Variants in EBF1 observed in about 807,000 individuals in gnomAD.
The protein encoded by EBF1 is EBF transcription factor 1, also known as transcription factor COE1.
A neutral mutation model predicts 68.4 loss-of-function variants in EBF1; 10 were observed. That is an observed-to-expected ratio of 0.15 (90% CI 0.09 to 0.25). The LOEUF (loss-of-function observed/expected upper bound fraction) is 0.25. Among genes scored for constraint, EBF1 ranks in the 10% least tolerant of loss-of-function variants. EBF1 has a pLI of 1.00. For synonymous variants in EBF1, 298 were observed against 299.8 expected (o/e 0.99, Z 0.06); for missense variants, 509 against 794.4 (o/e 0.64, Z 4.32).
At chr5:158,866,590 C>T (rs551420682) in intron 6 of EBF1, among the ~76,000 whole-genome samples, 16 of 151,884 alleles carry the variant, frequency 1.1e-4, no homozygotes, top group African/African-American at 3.6e-4. Context: ...ATTCAAAGCC[C>T]GAAACCTAAT....
chr5:158,764,446 T>C (rs1193204091), intron 10 of EBF1, among the ~76,000 whole-genome samples: 1 of 152,212 alleles, frequency 6.6e-6, no homozygotes, highest in Non-Finnish European at 1.5e-5. Flanking sequence ...GTCACATTTG[T>C]CAGTCATTCC....
At chr5:158,939,640 G>A (rs757626428) in intron 6 of EBF1, among the ~76,000 whole-genome samples, 6 of 151,952 alleles carry the variant, frequency 3.9e-5, no homozygotes, top group Non-Finnish European at 7.4e-5. Flanking sequence ...ATGATTTGGT[G>A]GAATGTGGAC....
chr5:158,888,280 G>A (rs1800444303), intron 6 of EBF1, among the ~76,000 whole-genome samples: 2 of 152,006 alleles, frequency 1.3e-5, no homozygotes, highest in African/African-American at 4.8e-5. Flanking sequence ...GCGTGCGTGT[G>A]TGTGTGTTTG....
rs1005854955 is a variant in EBF1, at chr5:158,763,980, T to C, written c.1036+13433A>G. 4.6e-5 allele frequency among the ~76,000 whole-genome samples: 7 copies of C among 152,330 alleles called. No homozygotes were observed. In the South Asian group the frequency reaches 1.2e-3, roughly 27 times the overall value. On this transcript the variant is annotated intron_variant, in intron 10 of 15. Coordinates refer to ENST00000313708, the MANE Select transcript of EBF1 (RefSeq NM_024007.5). ...AATTACAGGCAACTGTTCTCTTGGATGCTCTTTTGATAAGATCCACCATTA... is the reference window on the plus strand; with the variant it reads ...AATTACAGGCAACTGTTCTCTTGGACGCTCTTTTGATAAGATCCACCATTA...
intron 6 of EBF1, among the ~76,000 whole-genome samples, chr5:158,848,569 A>G (rs1047005212): frequency 9.2e-5 from 14 of 152,224 alleles, no homozygotes; most frequent in African/African-American, 2.7e-4. Context: ...AACAAAACCA[A>G]TGTAATCTGG....
intron 8 of EBF1, among the ~76,000 whole-genome samples, chr5:158,817,400 T>C (rs1324180477): frequency 6.6e-6 from 1 of 152,162 alleles, no homozygotes; most frequent in Non-Finnish European, 1.5e-5. Context: ...TCTACCTTCC[T>C]GAACAAACTA....
At chr5:158,784,106 T>C (rs1186747753) in intron 9 of EBF1, among the ~76,000 whole-genome samples, 1 of 152,238 alleles carries the variant, frequency 6.6e-6, no homozygotes, top group African/African-American at 2.4e-5. Context: ...AATGACCTTT[T>C]GTTGTCTTTT....
At chr5:158,950,947 C>A (rs941028418) in intron 6 of EBF1, among the ~76,000 whole-genome samples, 2 of 152,128 alleles carry the variant, frequency 1.3e-5, no homozygotes, top group African/African-American at 4.8e-5. Flanking sequence ...TGTTGGTAGA[C>A]CTTCTGACTT....
chr5:158,815,228 A>G (rs1783478779), intron 8 of EBF1, among the ~76,000 whole-genome samples: 1 of 152,100 alleles, frequency 6.6e-6, no homozygotes, highest in Non-Finnish European at 1.5e-5. Flanking sequence ...ACAACAGGGT[A>G]CTTATAGCAC....
intron 6 of EBF1, among the ~76,000 whole-genome samples, chr5:159,016,156 A>G (rs1765580825): frequency 6.6e-6 from 1 of 152,222 alleles, no homozygotes; most frequent in African/African-American, 2.4e-5. Flanking sequence ...TGAGGTGAGA[A>G]TTAAAAGAGG....
At chr5:158,807,349 A>G (rs924477554) in intron 8 of EBF1, among the ~76,000 whole-genome samples, 3 of 152,122 alleles carry the variant, frequency 2.0e-5, no homozygotes, top group Admixed American at 2.0e-4. Flanking sequence ...AATGTAGAGT[A>G]TGTGCTTCAT....
chr5:159,096,508 C>G (rs1584593348), intron 2 of EBF1, 102 bp from the exon 3 acceptor site: 1 of 1,356,894 alleles, frequency 7.4e-7, no homozygotes. Context: ...CCGGGACCCC[C>G]GCTGGCGAGC....
chr5:159,081,507 C>T lies in EBF1; in HGVS notation c.485+3159G>A, dbSNP rs185908772. On this transcript the variant is annotated intron_variant, in intron 5 of 15. Coordinates refer to ENST00000313708, the MANE Select transcript of EBF1 (RefSeq NM_024007.5). ...ATGGATAAAAGAGGACCACTGTTTA[C>T]AGGACAACGTAACAATAGGACTTGA... 1.5e-3 allele frequency among the ~76,000 whole-genome samples: 231 copies of T among 152,318 alleles called. 1 individual carries two copies. Among genetic ancestry groups the T allele is most frequent in the Non-Finnish European group, 2.2e-3 (151 of 68,034 alleles).
intron 6 of EBF1, among the ~76,000 whole-genome samples, chr5:158,904,945 C>T (rs1390352897): frequency 6.6e-6 from 1 of 152,182 alleles, no homozygotes; most frequent in Non-Finnish European, 1.5e-5. Flanking sequence ...TGTGTTGTAA[C>T]ATCTTCTAGA....
chr5:159,000,310 G>T (rs1372326616), intron 6 of EBF1, among the ~76,000 whole-genome samples: 1 of 151,906 alleles, frequency 6.6e-6, no homozygotes, highest in African/African-American at 2.4e-5. Context: ...TTACATCTTC[G>T]TAGTATTCTT....
At chr5:158,850,776 G>A (rs1792485042) in intron 6 of EBF1, among the ~76,000 whole-genome samples, 1 of 152,174 alleles carries the variant, frequency 6.6e-6, no homozygotes. Flanking sequence ...GGAGGCCGAG[G>A]CGTGTGGATT....
At chr5:159,005,115 C>A (rs1399931949) in intron 6 of EBF1, among the ~76,000 whole-genome samples, 3 of 152,154 alleles carry the variant, frequency 2.0e-5, no homozygotes, top group Non-Finnish European at 1.5e-5. Flanking sequence ...GGGGCTAGAC[C>A]TTGACATTCA....
At chr5:158,718,601 A>G (rs1761254029) in intron 11 of EBF1, among the ~76,000 whole-genome samples, 1 of 152,148 alleles carries the variant, frequency 6.6e-6, no homozygotes, top group Non-Finnish European at 1.5e-5. Flanking sequence ...TTCTATTACT[A>G]TCTGGCAGAT....
intron 6 of EBF1, among the ~76,000 whole-genome samples, chr5:158,907,451 T>C (rs1804900936): frequency 6.6e-6 from 1 of 152,180 alleles, no homozygotes; most frequent in Non-Finnish European, 1.5e-5. Context: ...TCTTAGCATA[T>C]TGCTAGATAC....
Sources: allele counts gnomAD v4.1 joint callset (sites outside exome capture counted in the v4.1 genomes callset), GRCh38; gene constraint gnomAD v4.1.1; transcripts MANE v1.5; gene names NCBI Gene and HGNC (gene_info 2026-07-23, HGNC 2026-07-21).